RBFOX1: variants seen among roughly 807,000 people sequenced by gnomAD.
RBFOX1 encodes RNA binding fox-1 homolog 1.
Under a neutral mutation model 57.7 loss-of-function variants are expected in RBFOX1, and 8 were observed. The ratio of observed to expected loss-of-function variants is 0.14; its 90% CI spans 0.08 to 0.25. The LOEUF (loss-of-function observed/expected upper bound fraction) is 0.25. Ranked by LOEUF, RBFOX1 falls within the 10% of genes least tolerant of loss-of-function variation. The pLI, the probability that RBFOX1 is intolerant of heterozygous loss-of-function variation, is 1.00. For missense variants in RBFOX1, 611 were observed against 548.5 expected, an observed-to-expected ratio of 1.11 and a Z score of -1.14; for synonymous variants, 326 against 222.4, an observed-to-expected ratio of 1.47 and a Z score of -4.15.
intron 2 of RBFOX1, among the ~76,000 whole-genome samples, chr16:6,506,742 G>C (rs1182360183): frequency 6.8e-6 from 1 of 146,274 alleles, no homozygotes; most frequent in African/African-American, 2.6e-5. Context: ...CTGCCTCCAG[G>C]TTCAGGTGAT....
chr16:6,309,338 G>C (rs1270474899), intron 1 of RBFOX1, among the ~76,000 whole-genome samples: 2 of 152,124 alleles, frequency 1.3e-5, no homozygotes, highest in African/African-American at 2.4e-5. Flanking sequence ...CCTTGAATCT[G>C]AGCGTCTAAG....
chr16:5,993,340 CGTGTGTGTGTGTGTGTGT>C (rs58189800), intron 4 of RBFOX1, among the ~76,000 whole-genome samples: 307 of 132,952 alleles, frequency 2.3e-3, no homozygotes, highest in African/African-American at 8.3e-3. Context: ...TAATGCTGTA[CGTGTGTGTGTGTGTGTGT>C]GTGTGTGTGT....
intron 3 of RBFOX1, among the ~76,000 whole-genome samples, chr16:6,735,495 A>C (rs1603477033): frequency 6.6e-6 from 1 of 152,190 alleles, no homozygotes. Context: ...ATATTTCAAC[A>C]GTTATTTATT....
intron 5 of RBFOX1, among the ~76,000 whole-genome samples, chr16:7,520,907 T>C (rs942756866): frequency 6.6e-6 from 1 of 152,206 alleles, no homozygotes. Flanking sequence ...AAATATTTAT[T>C]AAGCTTCTAT....
chr16:7,219,049 G>A (rs749130776), intron 4 of RBFOX1, among the ~76,000 whole-genome samples: 9 of 152,252 alleles, frequency 5.9e-5, no homozygotes, highest in East Asian at 1.9e-4. Context: ...GACAAAGCAC[G>A]CCTTTGTAAA....
chr16:6,663,804 G>T (rs2098715676), intron 3 of RBFOX1, among the ~76,000 whole-genome samples: 1 of 152,220 alleles, frequency 6.6e-6, no homozygotes, highest in African/African-American at 2.4e-5. Context: ...AGTCTGAAGG[G>T]AGATGGGGTG....
At chr16:6,686,378 G>A (rs759952774) in intron 3 of RBFOX1, among the ~76,000 whole-genome samples, 6 of 152,168 alleles carry the variant, frequency 3.9e-5, no homozygotes, top group Non-Finnish European at 8.8e-5. Context: ...AAGCCTGTGG[G>A]CCATTCAGTT....
At chr16:5,891,303 C>T (rs2058040124) in intron 4 of RBFOX1, among the ~76,000 whole-genome samples, 1 of 152,312 alleles carries the variant, frequency 6.6e-6, no homozygotes, top group South Asian at 2.1e-4. Context: ...CGTTTCAGTG[C>T]ACCAGCTGAT....
At chr16:5,896,978 T>G (rs1298455312) in intron 4 of RBFOX1, among the ~76,000 whole-genome samples, 1 of 148,022 alleles carries the variant, frequency 6.8e-6, no homozygotes, top group Non-Finnish European at 1.5e-5. Flanking sequence ...TTTAAAATCA[T>G]AAGGCTCTCC....
chr16:6,744,328 T>A (rs1034386870), intron 3 of RBFOX1, among the ~76,000 whole-genome samples: 10 of 152,106 alleles, frequency 6.6e-5, no homozygotes, highest in African/African-American at 2.4e-4. Context: ...TAGATTTGAA[T>A]AGTAGTATTA....
At chr16:5,637,494 G>T (rs1260084282) in intron 3 of RBFOX1, among the ~76,000 whole-genome samples, 1 of 152,160 alleles carries the variant, frequency 6.6e-6, no homozygotes, top group Non-Finnish European at 1.5e-5. Context: ...GGCTTAGCAA[G>T]CTAATGTCTA....
At chr16:5,411,602 A>G (rs2067023436) in intron 1 of RBFOX1, among the ~76,000 whole-genome samples, 1 of 152,182 alleles carries the variant, frequency 6.6e-6, no homozygotes, top group Non-Finnish European at 1.5e-5. Context: ...TACAGCAGCA[A>G]CAGAAAATTA....
At chr16:7,181,768 C>A (rs540532135) in intron 4 of RBFOX1, among the ~76,000 whole-genome samples, 1 of 151,982 alleles carries the variant, frequency 6.6e-6, no homozygotes, top group African/African-American at 2.4e-5. Context: ...GCCATGTTAC[C>A]CAGGCTGGTC....
At chr16:5,548,166 AAAAAAAAAATAT>A (rs531330461) in intron 2 of RBFOX1, among the ~76,000 whole-genome samples, 442 of 33,704 alleles carry the variant, frequency 0.013, 2 homozygotes, top group East Asian at 0.089. Flanking sequence ...GTTAAAAAAA[AAAAAAAAAATAT>A]ATATATATAT....
At chr16:7,601,024 T>C (rs1245404493) in intron 9 of RBFOX1, among the ~76,000 whole-genome samples, 1 of 152,172 alleles carries the variant, frequency 6.6e-6, no homozygotes, top group Non-Finnish European at 1.5e-5. Context: ...GGGGATCAAA[T>C]GTTGGATCTG....
intron 7 of RBFOX1, 53 bp downstream of exon 7, chr16:7,587,353 T>C (rs746001735): frequency 4.1e-6 from 6 of 1,453,048 alleles, no homozygotes; most frequent in Non-Finnish European, 4.6e-6. Context: ...AAATGTTTGT[T>C]ATGAATAAGG....
At chr16:6,600,548 G>A (rs546858949) in intron 2 of RBFOX1, among the ~76,000 whole-genome samples, 1 of 152,190 alleles carries the variant, frequency 6.6e-6, no homozygotes, top group Non-Finnish European at 1.5e-5. Flanking sequence ...ACGCTGTGGT[G>A]ATTATAAGAT....
intron 4 of RBFOX1, among the ~76,000 whole-genome samples, chr16:7,217,594 G>A (rs1381934027): frequency 6.6e-6 from 1 of 152,034 alleles, no homozygotes; most frequent in East Asian, 1.9e-4. Context: ...GGTCATGAGA[G>A]GCCTGGTTCT....
chr16:5,282,316 C>T (rs1379531210), intron 1 of RBFOX1, among the ~76,000 whole-genome samples: 1 of 152,186 alleles, frequency 6.6e-6, no homozygotes, highest in East Asian at 1.9e-4. Context: ...GTGTCTTTAT[C>T]AGCTGTGTGA....
Sources: allele counts gnomAD v4.1 joint callset (sites outside exome capture counted in the v4.1 genomes callset), GRCh38; gene constraint gnomAD v4.1.1; transcripts MANE v1.5; gene names NCBI Gene and HGNC (gene_info 2026-07-23, HGNC 2026-07-21).